CCDC194: variants seen among roughly 807,000 people sequenced by gnomAD.
CCDC194 encodes the protein coiled-coil domain-containing protein 194.
CCDC194 carries 8 observed loss-of-function variants against 4.9 expected under a neutral mutation model. The ratio of observed to expected loss-of-function variants is 1.65; its 90% CI spans 0.97 to 2.97. CCDC194 has a LOEUF of 2.97. Among genes scored for constraint, CCDC194 ranks in the 30% most tolerant of loss-of-function variants. The pLI, the probability that CCDC194 is intolerant of heterozygous loss-of-function variation, is 0.00. For missense variants in CCDC194, 52 were observed against 43.1 expected (o/e 1.21, Z -0.58); for synonymous variants, 13 against 17.0 (o/e 0.76, Z 0.58).
chr19:17,390,086 C>T (rs2074648401), downstream of CCDC194, among the ~76,000 whole-genome samples: 1 of 152,186 alleles, frequency 6.6e-6, no homozygotes, highest in East Asian at 1.9e-4. This position sits in a 1 kb window ranked among gnomAD's most constrained non-coding sequence, Gnocchi z 5.5. Flanking sequence ...CCTTTGTCAG[C>T]TTTTGTTGTC....
exon 3 of CCDC194, chr19:17,391,239 C>A (rs950250240): frequency 7.5e-6 from 3 of 401,624 alleles, no homozygotes; most frequent in Non-Finnish European, 1.3e-5. Context: ...GCCTCCCGGG[C>A]CGCACAGGCT....
rs1464236929 is a variant in CCDC194 at position 17,390,747 on chromosome 19, TGGGAA to T, written c.555-93_555-89del. 3 of 392,584 alleles carry T rather than the reference TGGGAA, an allele frequency of 7.6e-6. No homozygotes were observed. The highest frequency in any genetic ancestry group is 6.2e-5 in the African/African-American group (3 of 48,300). The allele number at this position is 392,584 out of a possible 1,614,324, so 24.3% of individuals were successfully genotyped here. On this transcript the variant is annotated intron_variant, in intron 3 of 3. Transcript: ENST00000636079. This position sits in a 1 kb window ranked among gnomAD's most constrained non-coding sequence, Gnocchi z 5.5. Reference sequence around the variant, plus strand: ...CTCATCCGCCAGAGCGTCCCTTTGCTGGGAACTCCATCCCCAGAGATCCCCATCTC... The same window carrying T: ...CTCATCCGCCAGAGCGTCCCTTTGCTCTCCATCCCCAGAGATCCCCATCTC...
In CCDC194 at chr19:17,391,765, TC is replaced by T. The variant is rs1200309906; in HGVS notation, c.405del (p.Asn136ThrfsTer4). On this transcript the variant is annotated frameshift_variant, in exon 2 of 4. Transcript: ENST00000636079. LOFTEE classifies it high-confidence loss of function. ...CCCAACGCACCTGTCAGCGCCCCGT[TC>T]TCGGCCCCCATCTGGGTCCCCTGTG... The T allele has an allele frequency of 1.3e-6, 2 of 1,535,728 alleles. No homozygotes were observed. The highest frequency in any genetic ancestry group is 8.7e-7 in the Non-Finnish European group (1 of 1,146,896).
chr19:17,389,878 T>C (rs970546692), downstream of CCDC194, among the ~76,000 whole-genome samples: 3 of 152,156 alleles, frequency 2.0e-5, no homozygotes, highest in Non-Finnish European at 2.9e-5. Flanking sequence ...GGCAGGAGAA[T>C]TGCTTGAACC....
Position 17,390,917 on chromosome 19 carries a change from C to T in CCDC194, c.555-258G>A, listed in dbSNP as rs976623709. Among the ~76,000 whole-genome samples the T allele has an allele frequency of 6.6e-5, 10 of 152,074 alleles. No individual in the cohort carries two copies. Among genetic ancestry groups the T allele is most frequent in the Admixed American group, 3.9e-4 (6 of 15,254 alleles). On this transcript the variant is annotated intron_variant, in intron 3 of 3. Coordinates refer to ENST00000636079, the Ensembl canonical transcript of CCDC194. This position sits in a 1 kb window ranked among gnomAD's most constrained non-coding sequence, Gnocchi z 5.5. The stretch of plus-strand genomic sequence containing the variant: ...AGCCTCTCCCTCGATACTCCCTTTT[C>T]CTTGCTCCCTTCTCTTCCGTTCCCC...
intron 1 of CCDC194, chr19:17,392,117 C>CCTG: frequency 3.1e-6 from 1 of 325,264 alleles, no homozygotes; most frequent in Non-Finnish European, 5.6e-6. Context: ...GAGTGCTGAG[C>CCTG]TCTGCGGTCA....
At chr19:17,388,193 C>CT (rs71162117), downstream of CCDC194, among the ~76,000 whole-genome samples, 6,883 of 91,688 alleles carry the variant, frequency 0.075, 408 homozygotes, top group South Asian at 0.12. Flanking sequence ...TCTTTTTTTC[C>CT]TTTTTTTTTT....
chr19:17,393,082 A>G (rs1234697365), intron 1 of CCDC194, among the ~76,000 whole-genome samples: 2 of 152,202 alleles, frequency 1.3e-5, no homozygotes, highest in Non-Finnish European at 1.5e-5. Flanking sequence ...TAGTCACTCC[A>G]TAAATGGAAA....
At chr19:17,388,178 C>CG (rs2074642317), downstream of CCDC194, among the ~76,000 whole-genome samples, 1 of 147,688 alleles carries the variant, frequency 6.8e-6, no homozygotes, top group South Asian at 2.1e-4. Flanking sequence ...GAGCCACCCC[C>CG]GGGCTCTTTT....
chr19:17,393,984 G>A, exon 1 of CCDC194: 1 of 393,170 alleles, frequency 2.5e-6, no homozygotes, highest in Non-Finnish European at 4.5e-6. Context: ...GGGTCCCCGG[G>A]CGGCGCCGTG....
At chr19:17,391,721 C>A in intron 2 of CCDC194, 29 bp downstream of exon 2, 4 of 1,535,628 alleles carry the variant, frequency 2.6e-6, no homozygotes, top group Non-Finnish European at 2.6e-6. Flanking sequence ...CACTTCTATC[C>A]CTGCCCACTC....
At chr19:17,391,332 G>A (rs2074653914) in exon 3 of CCDC194, 1 of 425,776 alleles carries the variant, frequency 2.3e-6, no homozygotes, top group South Asian at 6.8e-5. Context: ...GCCTCCCAGC[G>A]CGCCAGGGCC....
intron 1 of CCDC194, 46 bp downstream of exon 1, chr19:17,393,789 T>A (rs10404192): frequency 2.4e-4 from 93 of 393,878 alleles, no homozygotes; most frequent in African/African-American, 1.6e-3. Flanking sequence ...GTCTCTTATC[T>A]CAACATTCTG....
intron 1 of CCDC194, 142 bp downstream of exon 1, chr19:17,393,693 G>C (rs970792421): frequency 5.1e-6 from 2 of 388,976 alleles, no homozygotes; most frequent in African/African-American, 4.2e-5. Context: ...GAAGGCATTA[G>C]GGCGCTATTC....
In CCDC194 at chr19:17,390,725, A is replaced by T; in HGVS notation, c.555-66T>A. ...CTGTCCCCAGACATCGCCAGCCCTC[A>T]TCCGCCAGAGCGTCCCTTTGCTGGG... On this transcript the variant is annotated intron_variant, in intron 3 of 3. Coordinates refer to ENST00000636079, the Ensembl canonical transcript of CCDC194. This position sits in a 1 kb window ranked among gnomAD's most constrained non-coding sequence, Gnocchi z 5.5. 2.5e-6 allele frequency: 1 copy of T among 393,914 alleles called. No individual in the cohort carries two copies. Among genetic ancestry groups the T allele is most frequent in the Non-Finnish European group, 4.5e-6 (1 of 222,848 alleles). The allele number at this position is 393,914 out of a possible 1,614,324, so 24.4% of individuals were successfully genotyped here. A position where few individuals can be genotyped will look rare whatever the true frequency, so the allele number is the denominator to read the frequency against.
chr19:17,391,599 T>G (rs980713634), intron 2 of CCDC194, 151 bp downstream of exon 2: 18 of 1,511,792 alleles, frequency 1.2e-5, no homozygotes, highest in Non-Finnish European at 1.6e-5. Context: ...TTGCATGGCC[T>G]CTGCATGTTG....
chr19:17,387,417 A>T (rs1044878670), downstream of CCDC194, among the ~76,000 whole-genome samples: 1 of 151,928 alleles, frequency 6.6e-6, no homozygotes, highest in African/African-American at 2.4e-5. Context: ...CTACACACAC[A>T]CACACACACA....
At chr19:17,387,999 G>A (rs1187306848), downstream of CCDC194, among the ~76,000 whole-genome samples, 2 of 151,438 alleles carry the variant, frequency 1.3e-5, no homozygotes, top group Non-Finnish European at 2.9e-5. Flanking sequence ...CCATTCTCCC[G>A]CCTCAGCCTC....
intron 1 of CCDC194, among the ~76,000 whole-genome samples, chr19:17,393,003 A>T (rs1240518494): frequency 6.6e-6 from 1 of 152,128 alleles, no homozygotes; most frequent in Non-Finnish European, 1.5e-5. Flanking sequence ...TTTAATATTC[A>T]GATGCTGCAC....
Sources: gnomAD v4.1 joint callset for allele counts (sites outside exome capture counted in the v4.1 genomes callset) on GRCh38, gnomAD v4.1.1 for gene constraint, Gnocchi (gnomAD v3.1) non-coding constraint, MANE v1.5 for transcripts, NCBI Gene and HGNC (gene_info 2026-07-23, HGNC 2026-07-21) for gene names.